AUTS2: variants seen among roughly 807,000 people sequenced by gnomAD.
The protein encoded by AUTS2 is autism susceptibility gene 2 protein.
AUTS2 carries 17 observed loss-of-function variants against 112.4 expected under a neutral mutation model. That is an observed-to-expected ratio of 0.15 (90% CI 0.10 to 0.23). The LOEUF is 0.23. Among genes scored for constraint, AUTS2 ranks in the 10% least tolerant of loss-of-function variants. The pLI, the probability that AUTS2 is intolerant of heterozygous loss-of-function variation, is 1.00. For missense variants in AUTS2, 1,510 were observed against 1,701.6 expected (o/e 0.89, Z 1.98); for synonymous variants, 751 against 702.7 (o/e 1.07, Z -1.09).
intron 3 of AUTS2, among the ~76,000 whole-genome samples, chr7:70,131,919 T>C (rs1241796399): frequency 6.6e-6 from 1 of 151,686 alleles, no homozygotes; most frequent in Non-Finnish European, 1.5e-5. Flanking sequence ...GTCAGAATCT[T>C]GGGGTTGTAG....
chr7:70,032,029 C>T (rs764017212), intron 2 of AUTS2, among the ~76,000 whole-genome samples: 95 of 152,182 alleles, frequency 6.2e-4, no homozygotes, highest in Middle Eastern at 3.4e-3. Context: ...GTATAGTAGT[C>T]GGGGTTAACG....
At chr7:69,624,902 A>T (rs1415083781) in intron 1 of AUTS2, among the ~76,000 whole-genome samples, 1 of 152,062 alleles carries the variant, frequency 6.6e-6, no homozygotes, top group African/African-American at 2.4e-5. Flanking sequence ...TAGTGGAGAA[A>T]CTACTGCCAG....
chr7:70,668,087 G>C (rs193271662), intron 5 of AUTS2, among the ~76,000 whole-genome samples: 1 of 152,200 alleles, frequency 6.6e-6, no homozygotes, highest in African/African-American at 2.4e-5. Flanking sequence ...CCAAGTGGTT[G>C]TCCTGCCTCA....
intron 5 of AUTS2, among the ~76,000 whole-genome samples, chr7:70,529,556 G>A (rs1799994520): frequency 6.6e-6 from 1 of 152,204 alleles, no homozygotes; most frequent in Admixed American, 6.5e-5. Context: ...TAAAAGAAAT[G>A]TCAAATCACG....
intron 5 of AUTS2, among the ~76,000 whole-genome samples, chr7:70,564,119 T>C (rs1801604823): frequency 6.6e-6 from 1 of 152,194 alleles, no homozygotes; most frequent in Admixed American, 6.5e-5. Flanking sequence ...TCATCTGAGG[T>C]CACTAGTAGA....
At chr7:70,426,505 G>A (rs1003061304) in intron 4 of AUTS2, among the ~76,000 whole-genome samples, 4 of 152,106 alleles carry the variant, frequency 2.6e-5, no homozygotes, top group African/African-American at 7.2e-5. Context: ...AGTAATGACA[G>A]CAATTTCTTT....
At position 70,736,125 on chromosome 7, in the gene AUTS2, C is replaced by T. The variant is rs567828264; in HGVS notation, c.743-26745C>T. Among the ~76,000 whole-genome samples the T allele has an allele frequency of 5.9e-5, 9 of 152,066 alleles. No homozygotes were observed. The South Asian group carries it at 6.3e-4, about 11-fold the overall frequency. On this transcript the variant is annotated intron_variant, in intron 6 of 18. Coordinates refer to ENST00000342771, the MANE Select transcript of AUTS2 (RefSeq NM_015570.4). ...TGACAAACTACCCCAAAACAAATCCCATTTTCACATAAAAATTTAATATAT... is the reference window on the plus strand; with the variant it reads ...TGACAAACTACCCCAAAACAAATCCTATTTTCACATAAAAATTTAATATAT...
At chr7:69,861,851 C>T (rs923591142) in intron 1 of AUTS2, among the ~76,000 whole-genome samples, 1 of 152,110 alleles carries the variant, frequency 6.6e-6, no homozygotes, top group African/African-American at 2.4e-5. Context: ...GCCTTTTTCC[C>T]GTCTCAGAAG....
chr7:70,653,813 G>A (rs1222123925), intron 5 of AUTS2, among the ~76,000 whole-genome samples: 1 of 152,152 alleles, frequency 6.6e-6, no homozygotes, highest in Non-Finnish European at 1.5e-5. Context: ...CTGGTGTTGG[G>A]CTCATGGGGA....
At chr7:70,776,795 A>C in intron 13 of AUTS2, 1 of 412,328 alleles carries the variant, frequency 2.4e-6, no homozygotes. Flanking sequence ...TGGCAGCAGA[A>C]AAGAAAGAGA....
rs10263449 is a variant in AUTS2 at position 70,712,919 on chromosome 7, T to G, written c.742+14299T>G. Among the ~76,000 whole-genome samples the G allele has an allele frequency of 7.0e-3, 1,070 of 152,250 alleles. 11 individuals carry two copies. The highest frequency in any genetic ancestry group is 0.019 in the African/African-American group (801 of 41,528). On this transcript the variant is annotated intron_variant, in intron 6 of 18. Coordinates refer to ENST00000342771, the MANE Select transcript of AUTS2 (RefSeq NM_015570.4). ...CCTGCTTCAGCCTCCTGGGTTGGTTTGTTTGTTTGTAAATATCAACTTCAC... is the reference window on the plus strand; with the variant it reads ...CCTGCTTCAGCCTCCTGGGTTGGTTGGTTTGTTTGTAAATATCAACTTCAC...
At chr7:70,767,803 G>A (rs183641170) in intron 9 of AUTS2, among the ~76,000 whole-genome samples, 71 of 152,296 alleles carry the variant, frequency 4.7e-4, no homozygotes, top group African/African-American at 1.1e-3. Context: ...ATCCTAGTAC[G>A]TGCAGAACTA....
intron 5 of AUTS2, among the ~76,000 whole-genome samples, chr7:70,560,850 A>C (rs543971386): frequency 6.6e-5 from 10 of 152,324 alleles, no homozygotes; most frequent in African/African-American, 2.2e-4. Flanking sequence ...ATATAGTTGA[A>C]ATTTTTAGTG....
intron 4 of AUTS2, among the ~76,000 whole-genome samples, chr7:70,183,747 A>G (rs765869257): frequency 6.6e-6 from 1 of 152,070 alleles, no homozygotes; most frequent in Non-Finnish European, 1.5e-5. Flanking sequence ...ATTTCACTCT[A>G]AATAGCCCCC....
chr7:70,179,196 A>G lies in AUTS2; in HGVS notation c.660+44625A>G, dbSNP rs78743511. On this transcript the variant is annotated intron_variant, in intron 4 of 18. Coordinates refer to ENST00000342771, the MANE Select transcript of AUTS2 (RefSeq NM_015570.4). ...GTTGTACCCAGCCAAGTCTGGAGAAATGGAGAAAATGCCTGGGTTTGTTAG... is the reference window on the plus strand; with the variant it reads ...GTTGTACCCAGCCAAGTCTGGAGAAGTGGAGAAAATGCCTGGGTTTGTTAG... Among the ~76,000 whole-genome samples, 251 of 152,292 alleles carry G rather than the reference A, an allele frequency of 1.6e-3. 7 individuals are homozygous for G. In the East Asian group the frequency reaches 0.046, roughly 28 times the overall value.
chr7:70,117,123 T>G (rs1412319961), intron 2 of AUTS2, among the ~76,000 whole-genome samples: 44 of 128,108 alleles, frequency 3.4e-4, no homozygotes, highest in African/African-American at 1.1e-3. Context: ...TTTTGTTTTT[T>G]TTTGTTTTTT....
At position 70,413,062 on chromosome 7, in the gene AUTS2, C is replaced by T. The variant is rs117751162; in HGVS notation, c.661-22690C>T. 8.8e-4 allele frequency among the ~76,000 whole-genome samples: 134 copies of T among 152,334 alleles called. 3 individuals carry two copies. The East Asian group carries it at 0.022, about 25-fold the overall frequency. Reference sequence around the variant, plus strand: ...CCCCATGCCCTGTCTGGCACTACTGCCAGCACTGGGGAACTGGGAGGAGAG... The same window carrying T: ...CCCCATGCCCTGTCTGGCACTACTGTCAGCACTGGGGAACTGGGAGGAGAG... On this transcript the variant is annotated intron_variant, in intron 4 of 18. Transcript: ENST00000342771.
chr7:69,916,513 T>G (rs901524556), intron 2 of AUTS2, among the ~76,000 whole-genome samples: 9 of 152,148 alleles, frequency 5.9e-5, no homozygotes, highest in Non-Finnish European at 1.2e-4. Context: ...TTATCAGAGT[T>G]TTGCTGCCTA....
intron 4 of AUTS2, among the ~76,000 whole-genome samples, chr7:70,422,730 C>T (rs4718952): frequency 1.4e-4 from 22 of 152,184 alleles, no homozygotes; most frequent in Admixed American, 1.3e-3. Flanking sequence ...GAGCCAAGAT[C>T]GCGCCACTGT....
Sources: allele counts gnomAD v4.1 joint callset (sites outside exome capture counted in the v4.1 genomes callset), GRCh38; gene constraint gnomAD v4.1.1; transcripts MANE v1.5; gene names NCBI Gene and HGNC (gene_info 2026-07-23, HGNC 2026-07-21).